The following ADAM12 variants were observed in gnomAD, a reference collection of about 807,000 sequenced individuals.
ADAM12 encodes the protein disintegrin and metalloproteinase domain-containing protein 12.
A neutral mutation model predicts 106.4 loss-of-function variants in ADAM12; 70 were observed. The ratio of observed to expected loss-of-function variants is 0.66; its 90% CI spans 0.54 to 0.80. ADAM12 has a LOEUF of 0.80. ADAM12 is among the 30% of genes least tolerant of loss of function. The probability of loss-of-function intolerance (pLI) is 0.00; values close to 1 mark genes in which losing one functional copy is unlikely to be tolerated. For missense variants in ADAM12, 1,010 were observed against 1,171.9 expected (o/e 0.86, Z 2.02); for synonymous variants, 420 against 433.5 (o/e 0.97, Z 0.39).
At chr10:126,078,941 T>C (rs55634170) in intron 11 of ADAM12, among the ~76,000 whole-genome samples, 46,009 of 151,892 alleles carry the variant, frequency 0.3, 7,128 homozygotes, top group South Asian at 0.42. Context: ...GATTGATTAA[T>C]CCTCAATGTA....
At chr10:126,176,244 G>A (rs765118429) in intron 3 of ADAM12, among the ~76,000 whole-genome samples, 7 of 152,338 alleles carry the variant, frequency 4.6e-5, no homozygotes, top group South Asian at 2.1e-4. Context: ...ATTAACATGC[G>A]TTCAAGGCCT....
chr10:126,033,481 G>C (rs1273162625), intron 21 of ADAM12, among the ~76,000 whole-genome samples: 3 of 152,246 alleles, frequency 2.0e-5, no homozygotes, highest in Non-Finnish European at 2.9e-5. Context: ...TGGTGTGTTT[G>C]TGTGTGTGTG....
chr10:126,170,385 C>CAGGCACATGGTA (rs1957098042), intron 3 of ADAM12, among the ~76,000 whole-genome samples: 12 of 151,170 alleles, frequency 7.9e-5, no homozygotes, highest in African/African-American at 2.4e-5. Flanking sequence ...CTGAGGCTAC[C>CAGGCACATGGTA]ATGAAATGTG....
chr10:126,376,726 C>G (rs1203911400), intron 1 of ADAM12, among the ~76,000 whole-genome samples: 1 of 152,144 alleles, frequency 6.6e-6, no homozygotes, highest in African/African-American at 2.4e-5. Context: ...AGTCCCCATA[C>G]AGTATTTTGC....
At chr10:126,267,971 T>C (rs1273270546) in intron 3 of ADAM12, among the ~76,000 whole-genome samples, 1 of 152,054 alleles carries the variant, frequency 6.6e-6, no homozygotes, top group Non-Finnish European at 1.5e-5. Context: ...AAAATACACA[T>C]AACATAAAAT....
At chr10:126,311,032 C>T (rs1961061706) in intron 2 of ADAM12, among the ~76,000 whole-genome samples, 1 of 151,610 alleles carries the variant, frequency 6.6e-6, no homozygotes, top group Non-Finnish European at 1.5e-5. Flanking sequence ...TGAGCTAATA[C>T]TAAATCTCCT....
intron 21 of ADAM12, among the ~76,000 whole-genome samples, chr10:126,035,919 A>G (rs1013372619): frequency 2.6e-5 from 4 of 152,062 alleles, no homozygotes; most frequent in Middle Eastern, 3.4e-3. Context: ...CAAATACTTA[A>G]AAAATTATAA....
intron 3 of ADAM12, among the ~76,000 whole-genome samples, chr10:126,245,248 G>C (rs1167382483): frequency 6.6e-6 from 1 of 152,204 alleles, no homozygotes; most frequent in African/African-American, 2.4e-5. Context: ...AGGTCATTGA[G>C]GAGACAAATA....
chr10:126,124,272 G>T (rs1225598706), intron 5 of ADAM12, among the ~76,000 whole-genome samples: 3 of 151,280 alleles, frequency 2.0e-5, no homozygotes, highest in African/African-American at 2.4e-5. Flanking sequence ...AAAAGCAGTT[G>T]GCTTGAAATT....
chr10:126,048,398 G>T (rs995228456), intron 16 of ADAM12, among the ~76,000 whole-genome samples: 2 of 152,198 alleles, frequency 1.3e-5, no homozygotes, highest in African/African-American at 4.8e-5. Context: ...GAATGTATAA[G>T]AAGATTCATG....
At chr10:126,278,762 T>C (rs948340805) in intron 3 of ADAM12, among the ~76,000 whole-genome samples, 153 bp downstream of exon 3, 1 of 152,236 alleles carries the variant, frequency 6.6e-6, no homozygotes, top group Admixed American at 6.5e-5. Context: ...TAGATAATTT[T>C]TTAAAGTTAA....
intron 2 of ADAM12, among the ~76,000 whole-genome samples, chr10:126,295,963 T>C (rs951764185): frequency 2.0e-5 from 3 of 150,704 alleles, no homozygotes; most frequent in African/African-American, 7.3e-5. Context: ...ACACACCCCA[T>C]GGGTAAATCA....
chr10:126,157,855 G>A, intron 3 of ADAM12, among the ~76,000 whole-genome samples: 1 of 152,148 alleles, frequency 6.6e-6, no homozygotes, highest in Non-Finnish European at 1.5e-5. Context: ...ATGAGCAAAG[G>A]AGAGGAAGAG....
chr10:126,034,723 C>G (rs1302100422), intron 21 of ADAM12, among the ~76,000 whole-genome samples: 1 of 152,196 alleles, frequency 6.6e-6, no homozygotes, highest in Non-Finnish European at 1.5e-5. Flanking sequence ...TCATACTTTG[C>G]TTTTTATCCT....
chr10:126,078,212 C>T (rs1955140550), intron 11 of ADAM12, among the ~76,000 whole-genome samples: 1 of 152,222 alleles, frequency 6.6e-6, no homozygotes, highest in East Asian at 1.9e-4. Flanking sequence ...CAGAATACAA[C>T]TTTGAGTGGC....
rs998274633 is a variant in ADAM12 at position 126,016,536 on chromosome 10, C to T, written c.*743G>A. On this transcript the variant is annotated 3_prime_UTR_variant, in exon 23 of 23. Coordinates refer to ENST00000448723, the MANE Select transcript of ADAM12 (RefSeq NM_001288973.2). ...TGCTTGGCATTTCTATCAAGCACCG[C>T]CTTGAGTGACACTACAGACCCCTTC... 1.3e-5 allele frequency: 2 copies of T among 152,200 alleles called. No individual in the cohort carries two copies. The highest frequency in any genetic ancestry group is 1.9e-4 in the East Asian group (1 of 5,188). 9.4% of individuals were successfully genotyped at this position (152,200 alleles called of 1,614,324 possible).
At chr10:126,232,788 G>A (rs1269091329) in intron 3 of ADAM12, among the ~76,000 whole-genome samples, 1 of 152,218 alleles carries the variant, frequency 6.6e-6, no homozygotes, top group Non-Finnish European at 1.5e-5. Context: ...TGGAGCCCAG[G>A]TGAAAATGAT....
intron 3 of ADAM12, among the ~76,000 whole-genome samples, chr10:126,174,848 G>T (rs1957189349): frequency 6.6e-6 from 1 of 151,474 alleles, no homozygotes. Flanking sequence ...CGCCTTCCGG[G>T]TTCACGCCAT....
chr10:126,041,132 G>A (rs748895237), intron 18 of ADAM12, among the ~76,000 whole-genome samples: 6 of 152,042 alleles, frequency 3.9e-5, no homozygotes, highest in African/African-American at 7.2e-5. Flanking sequence ...CTCCCATGAT[G>A]CCCTCTCTCC....
Sources: gnomAD v4.1 joint callset for allele counts (sites outside exome capture counted in the v4.1 genomes callset) on GRCh38, gnomAD v4.1.1 for gene constraint, MANE v1.5 for transcripts, NCBI Gene and HGNC (gene_info 2026-07-23, HGNC 2026-07-21) for gene names.